Variants in PRELID2 observed in about 807,000 individuals in gnomAD.
PRELID2 encodes PRELI domain-containing protein 2.
Under a neutral mutation model 28.4 loss-of-function variants are expected in PRELID2, and 25 were observed. That is an observed-to-expected ratio of 0.88 (90% CI 0.64 to 1.23). PRELID2 has a LOEUF of 1.23. Ranked by LOEUF, PRELID2 falls within the 50% of genes most tolerant of loss-of-function variation. The probability of loss-of-function intolerance (pLI) is 0.00; values close to 1 mark genes in which losing one functional copy is unlikely to be tolerated. For missense variants in PRELID2, 201 were observed against 214.4 expected (o/e 0.94, Z 0.39); for synonymous variants, 76 against 71.6 (o/e 1.06, Z -0.31).
intron 4 of PRELID2, among the ~76,000 whole-genome samples, chr5:145,807,074 A>T (rs1461349539): frequency 1.3e-5 from 2 of 152,218 alleles, no homozygotes; most frequent in African/African-American, 4.8e-5. Flanking sequence ...AACTGGCAGC[A>T]CAGTAGGTTT....
chr5:145,237,461 T>G, the PRELID2 span, among the ~76,000 whole-genome samples: 1 of 152,050 alleles, frequency 6.6e-6, no homozygotes. Context: ...TGGAGCGCTA[T>G]GACAAGAATG....
At chr5:145,676,135 G>A (rs147048146) in intron 1 of PRELID2, among the ~76,000 whole-genome samples, 3,434 of 149,980 alleles carry the variant, frequency 0.023, 152 homozygotes, top group African/African-American at 0.081. Flanking sequence ...TAGGAGAATC[G>A]CTTGAACTTG....
chr5:145,760,911 A>T (rs529784872), intron 6 of PRELID2, among the ~76,000 whole-genome samples: 2 of 152,332 alleles, frequency 1.3e-5, no homozygotes, highest in South Asian at 4.1e-4. Flanking sequence ...AAATCTATCA[A>T]AGGGATGTGT....
At chr5:145,349,205 G>T in the PRELID2 span, among the ~76,000 whole-genome samples, 3 of 152,020 alleles carry the variant, frequency 2.0e-5, no homozygotes, top group South Asian at 6.2e-4. Context: ...ACCCTATGAA[G>T]CATTCAGTTC....
chr5:145,422,749 T>C, the PRELID2 span, among the ~76,000 whole-genome samples: 1 of 152,066 alleles, frequency 6.6e-6, no homozygotes, highest in Non-Finnish European at 1.5e-5. Context: ...AAAGTTAATA[T>C]TGTTATGTGT....
chr5:145,471,625 C>T (rs1752054997), downstream of PRELID2, among the ~76,000 whole-genome samples: 1 of 151,948 alleles, frequency 6.6e-6, no homozygotes, highest in African/African-American at 2.4e-5. Flanking sequence ...TCATGTTTCA[C>T]ATTTCTCAAA....
the PRELID2 span, among the ~76,000 whole-genome samples, chr5:145,315,370 T>G: frequency 3.9e-5 from 6 of 152,306 alleles, no homozygotes; most frequent in Admixed American, 3.9e-4. Flanking sequence ...GCCTGGCCTC[T>G]ACAATAATTC....
Position 145,817,421 on chromosome 5 carries a change from TTA to T in PRELID2, c.368+471_368+472del, listed in dbSNP as rs6149278. Among the ~76,000 whole-genome samples the T allele has an allele frequency of 6.7e-3, 699 of 103,594 alleles. 15 individuals carry two copies. Among genetic ancestry groups the T allele is most frequent in the African/African-American group, 0.021 (619 of 29,892 alleles). 68.0% of individuals were successfully genotyped at this position (103,594 alleles called of 152,430 possible). ...TATGCAATAAAGGAATAAGCTAGTT[TTA>T]TATATATATATATATATATATATAT... On this transcript the variant is annotated intron_variant, in intron 4 of 6. Transcript: ENST00000683046.
chr5:145,259,919 A>G, the PRELID2 span, among the ~76,000 whole-genome samples: 4 of 152,144 alleles, frequency 2.6e-5, no homozygotes, highest in African/African-American at 4.8e-5. Context: ...ATAATCCCCA[A>G]TGTTGGATGT....
the PRELID2 span, among the ~76,000 whole-genome samples, chr5:145,284,740 A>G: frequency 3.9e-5 from 6 of 152,098 alleles, no homozygotes; most frequent in Non-Finnish European, 8.8e-5. Context: ...GGCCCCCACC[A>G]AGTCAGTATG....
chr5:145,305,709 C>T, the PRELID2 span, among the ~76,000 whole-genome samples: 7 of 152,106 alleles, frequency 4.6e-5, no homozygotes, highest in Non-Finnish European at 8.8e-5. Context: ...CTTACACACA[C>T]ACATACAAAC....
intron 1 of PRELID2, among the ~76,000 whole-genome samples, chr5:145,671,099 C>T (rs1754697480): frequency 6.6e-6 from 1 of 152,122 alleles, no homozygotes; most frequent in South Asian, 2.1e-4. Flanking sequence ...CTATTGTTAA[C>T]AAACCGAATT....
chr5:145,479,608 G>A (rs1212358591), intron 1 of PRELID2, among the ~76,000 whole-genome samples: 2 of 152,176 alleles, frequency 1.3e-5, no homozygotes, highest in Non-Finnish European at 2.9e-5. Flanking sequence ...TGCATCCTGA[G>A]CACTGCGCCT....
chr5:145,447,481 T>A, the PRELID2 span, among the ~76,000 whole-genome samples: 5 of 150,888 alleles, frequency 3.3e-5, no homozygotes, highest in Non-Finnish European at 4.4e-5. Flanking sequence ...TTTTTTTTTT[T>A]TTATTATACT....
intron 1 of PRELID2, among the ~76,000 whole-genome samples, chr5:145,735,048 C>A (rs1756454843): frequency 6.6e-6 from 1 of 151,646 alleles, no homozygotes; most frequent in African/African-American, 2.4e-5. Context: ...AATTCGAGAC[C>A]AGCCTGGCCA....
chr5:145,478,456 C>T (rs1369628993), intron 1 of PRELID2, among the ~76,000 whole-genome samples: 1 of 152,022 alleles, frequency 6.6e-6, no homozygotes, highest in African/African-American at 2.4e-5. Context: ...CCTCCTGAGG[C>T]AGGAGAATCG....
At chr5:145,658,377 T>C (rs914084348) in intron 1 of PRELID2, among the ~76,000 whole-genome samples, 2 of 152,166 alleles carry the variant, frequency 1.3e-5, no homozygotes, top group Admixed American at 1.3e-4. Context: ...TGCATTTCCA[T>C]TGAGATGCAA....
chr5:145,391,420 C>A, the PRELID2 span, among the ~76,000 whole-genome samples: 1 of 152,224 alleles, frequency 6.6e-6, no homozygotes, highest in South Asian at 2.1e-4. Flanking sequence ...GATGAAGCAG[C>A]TGGGACTCAG....
chr5:145,822,941 A>G, intron 2 of PRELID2, 136 bp downstream of exon 2: 1 of 560,682 alleles, frequency 1.8e-6, no homozygotes, highest in Non-Finnish European at 3.2e-6. Flanking sequence ...CTGTTTAAAA[A>G]CTAATAATGG....
Sources: allele counts gnomAD v4.1 joint callset (sites outside exome capture counted in the v4.1 genomes callset), GRCh38; gene constraint gnomAD v4.1.1; transcripts MANE v1.5; gene names NCBI Gene and HGNC (gene_info 2026-07-23, HGNC 2026-07-21).